FBXW11: variants seen among roughly 807,000 people sequenced by gnomAD.
FBXW11 encodes F-box and WD repeat domain containing 11.
In FBXW11, 19 loss-of-function variants were observed where a neutral mutation model predicts 77.6. The ratio of observed to expected loss-of-function variants is 0.24; its 90% confidence interval spans 0.17 to 0.36. FBXW11 has a LOEUF of 0.36. Ranked by LOEUF, FBXW11 falls within the 10% of genes least tolerant of loss-of-function variation. The pLI is 1.00. For synonymous variants in FBXW11, 235 were observed against 249.4 expected (o/e 0.94, Z 0.54); for missense variants, 334 against 704.2 (o/e 0.47, Z 5.95).
chr5:171,897,069 T>TA lies in FBXW11; in HGVS notation c.714+1934_714+1935insT, dbSNP rs1335019436. 2.0e-5 allele frequency among the ~76,000 whole-genome samples: 3 copies of TA among 152,204 alleles called. No homozygotes were observed. In the East Asian group the frequency reaches 5.8e-4, roughly 29 times the overall value. ...GAAGGGTACATGGTTGATCACAGAC[T>TA]CTCAATTACCCACTAGCTGTGTGAT... On this transcript the variant is annotated intron_variant, in intron 6 of 13. Coordinates refer to ENST00000517395, the MANE Select transcript of FBXW11 (RefSeq NM_001378974.1).
intron 1 of FBXW11, among the ~76,000 whole-genome samples, chr5:171,974,210 G>A (rs775820948): frequency 3.1e-4 from 47 of 152,154 alleles, no homozygotes; most frequent in African/African-American, 9.6e-4. Context: ...CGAGGGTGGC[G>A]AATCACCTGA....
intron 2 of FBXW11, among the ~76,000 whole-genome samples, chr5:171,919,176 G>T (rs574492527): frequency 6.6e-6 from 1 of 152,210 alleles, no homozygotes; most frequent in Admixed American, 6.5e-5. Flanking sequence ...TTTACTAGAG[G>T]TCCATGGACT....
rs576501125 is a variant in FBXW11 at position 171,974,586 on chromosome 5, AC to A, written c.46-16889del. 1.3e-4 allele frequency among the ~76,000 whole-genome samples: 20 copies of A among 152,180 alleles called. No individual in the cohort carries two copies. The South Asian group carries it at 4.2e-3, about 32-fold the overall frequency. On this transcript the variant is annotated intron_variant, in intron 1 of 13. Transcript: ENST00000517395. ...AAAAAACAGGAAGAAGCCGAGCATAACCTATGCCTACAGTTTCAGCTACTCA... is the reference window on the plus strand; with the variant it reads ...AAAAAACAGGAAGAAGCCGAGCATAACTATGCCTACAGTTTCAGCTACTCA...
intron 2 of FBXW11, among the ~76,000 whole-genome samples, chr5:171,934,260 G>A (rs188767185): frequency 1.3e-4 from 20 of 151,970 alleles, no homozygotes; most frequent in Non-Finnish European, 1.9e-4. Flanking sequence ...AGACAGAAAT[G>A]TACCAAAAAC....
At chr5:171,892,821 G>A (rs1450506951) in intron 6 of FBXW11, among the ~76,000 whole-genome samples, 1 of 152,196 alleles carries the variant, frequency 6.6e-6, no homozygotes, top group Non-Finnish European at 1.5e-5. Flanking sequence ...TTACACTTCA[G>A]TTCAGGATAT....
intron 13 of FBXW11, chr5:171,867,909 C>CA (rs1164819322): frequency 6.6e-6 from 1 of 152,160 alleles, no homozygotes; most frequent in Non-Finnish European, 1.5e-5. Flanking sequence ...CAGCAGAACA[C>CA]AGAGTTGTCA....
chr5:171,918,380 A>G (rs1219134134), intron 2 of FBXW11, among the ~76,000 whole-genome samples: 1 of 152,160 alleles, frequency 6.6e-6, no homozygotes, highest in African/African-American at 2.4e-5. Flanking sequence ...GGCAAGAGAC[A>G]AAAGGTCACA....
rs764961373 is a variant in FBXW11, at chr5:171,899,894, C to T, written c.623+20G>A. 1 of 1,563,490 alleles carries T rather than the reference C, an allele frequency of 6.4e-7. No individual in the cohort carries two copies. On this transcript the variant is annotated intron_variant, in intron 5 of 13. Coordinates refer to ENST00000517395, the MANE Select transcript of FBXW11 (RefSeq NM_001378974.1). ...TGTCAATAAAATTTTTTCAAGGGAACAAGCAACCCAAGTACTTACCACCCT... is the reference window on the plus strand; with the variant it reads ...TGTCAATAAAATTTTTTCAAGGGAATAAGCAACCCAAGTACTTACCACCCT...
chr5:171,893,941 T>G (rs888217021), intron 6 of FBXW11, among the ~76,000 whole-genome samples: 1 of 151,674 alleles, frequency 6.6e-6, no homozygotes, highest in African/African-American at 2.4e-5. Context: ...TACTACCGCA[T>G]GAGAGTCTGA....
At chr5:171,930,328 A>G (rs1035505503) in intron 2 of FBXW11, among the ~76,000 whole-genome samples, 2 of 152,250 alleles carry the variant, frequency 1.3e-5, no homozygotes, top group Admixed American at 6.5e-5. Context: ...CATACGTATT[A>G]GTGAAAAAGT....
intron 2 of FBXW11, among the ~76,000 whole-genome samples, chr5:171,943,486 G>A (rs1208390522): frequency 4.6e-5 from 7 of 152,122 alleles, no homozygotes; most frequent in Admixed American, 1.3e-4. Context: ...TTTAGACAGA[G>A]TCTCGCTCTG....
intron 4 of FBXW11, among the ~76,000 whole-genome samples, chr5:171,906,163 T>A (rs7722589): frequency 0.79 from 120,683 of 152,210 alleles, 51,422 homozygotes; most frequent in East Asian, 0.97. Context: ...ACAGAAACTT[T>A]TATTATTTTA....
At chr5:171,947,510 G>T (rs141822284) in intron 2 of FBXW11, among the ~76,000 whole-genome samples, 1 of 151,396 alleles carries the variant, frequency 6.6e-6, no homozygotes. Flanking sequence ...ACCCCAGTCC[G>T]GACAACATAG....
chr5:172,004,688 C>G (rs1388623860), intron 1 of FBXW11, among the ~76,000 whole-genome samples: 6 of 152,136 alleles, frequency 3.9e-5, no homozygotes, highest in Non-Finnish European at 8.8e-5. Flanking sequence ...GTTGTAAGTA[C>G]ATGCACTGTG....
At chr5:171,917,275 T>G (rs1761315354) in intron 2 of FBXW11, among the ~76,000 whole-genome samples, 1 of 152,188 alleles carries the variant, frequency 6.6e-6, no homozygotes, top group South Asian at 2.1e-4. Flanking sequence ...GCCAGAATCC[T>G]CCAGAGCTAT....
At chr5:171,946,805 CTTTTT>C (rs70982356) in intron 2 of FBXW11, among the ~76,000 whole-genome samples, 74 of 58,634 alleles carry the variant, frequency 1.3e-3, no homozygotes, top group Admixed American at 2.7e-4. Flanking sequence ...GTGTACTTTA[CTTTTT>C]TTTTTTTTTT....
At chr5:171,969,863 C>T (rs1764429133) in intron 1 of FBXW11, among the ~76,000 whole-genome samples, 1 of 152,054 alleles carries the variant, frequency 6.6e-6, no homozygotes, top group African/African-American at 2.4e-5. Context: ...ACCACCACAC[C>T]CAGCTAATTT....
intron 2 of FBXW11, among the ~76,000 whole-genome samples, chr5:171,934,284 A>G (rs1318987162): frequency 3.3e-5 from 5 of 152,226 alleles, no homozygotes; most frequent in South Asian, 2.1e-4. Context: ...AAGAAATGTA[A>G]TAAGAATTGA....
intron 1 of FBXW11, among the ~76,000 whole-genome samples, chr5:171,994,803 C>T (rs1227170970): frequency 6.6e-6 from 1 of 152,014 alleles, no homozygotes; most frequent in African/African-American, 2.4e-5. Context: ...TTCAGGAGGC[C>T]GAGTCAGGCA....
Sources: allele counts gnomAD v4.1 joint callset (sites outside exome capture counted in the v4.1 genomes callset), GRCh38; gene constraint gnomAD v4.1.1; transcripts MANE v1.5; gene names NCBI Gene and HGNC (gene_info 2026-07-23, HGNC 2026-07-21).